CAMTA1: variants seen among roughly 807,000 people sequenced by gnomAD.
The protein encoded by CAMTA1 is calmodulin binding transcription activator 1.
A neutral mutation model predicts 170.9 loss-of-function variants in CAMTA1; 27 were observed. The observed-to-expected ratio is 0.16, with a 90% CI of 0.12 to 0.22. The LOEUF is 0.22. Ranked by LOEUF, CAMTA1 falls within the 10% of genes least tolerant of loss-of-function variation. CAMTA1 has a pLI of 1.00. For missense variants in CAMTA1, 1,619 were observed against 2,217.2 expected (o/e 0.73, Z 5.42); for synonymous variants, 833 against 891.5 (o/e 0.93, Z 1.17).
rs146417182 is a variant in CAMTA1, at chr1:7,640,454, G to T, written c.565G>T (p.Gly189Cys). The change falls in exon 7 of 23, where the codon GGC becomes TGC. Residue 189 changes from glycine (G) to cysteine (C), a missense_variant. Around this residue, in one of 8 missense-constraint regions of CAMTA1, gnomAD observed 97 missense variants for 225.4 expected, o/e 0.43. Transcript: ENST00000303635. The stretch of plus-strand genomic sequence containing the variant: ...GAACGTGCCGGCCATCGAGGACTGC[G>T]GCAAGCCTTGCGGCCCCATCCTCTG... ...YLNVPAIEDC[G>C]KPCGPILCSI... 2 of 1,614,034 alleles carry T rather than the reference G, an allele frequency of 1.2e-6. No individual in the cohort carries two copies. The highest frequency in any genetic ancestry group is 2.7e-5 in the African/African-American group (2 of 74,930).
At position 7,209,224 on chromosome 1, in the gene CAMTA1, G is replaced by A. The variant is rs766087227; in HGVS notation, c.303-40267G>A. Among the ~76,000 whole-genome samples the A allele has an allele frequency of 5.9e-5, 9 of 152,294 alleles. No individual in the cohort carries two copies. The South Asian group carries it at 8.3e-4, about 14-fold the overall frequency. On this transcript the variant is annotated intron_variant, in intron 4 of 22. Coordinates refer to ENST00000303635, the MANE Select transcript of CAMTA1 (RefSeq NM_015215.4). ...TTAGGATTAAGTTTTTCAACCTGCC[G>A]CTGGTGTGAGAAGGATGTCTCCATG...
intron 3 of CAMTA1, among the ~76,000 whole-genome samples, chr1:7,037,118 C>T (rs567716642): frequency 6.6e-6 from 1 of 152,176 alleles, no homozygotes; most frequent in Non-Finnish European, 1.5e-5. Context: ...TTTACTTGAA[C>T]TAATTGAGTA....
intron 3 of CAMTA1, among the ~76,000 whole-genome samples, chr1:6,882,988 C>G (rs892516282): frequency 2.6e-5 from 4 of 152,154 alleles, no homozygotes; most frequent in African/African-American, 9.7e-5. Context: ...TTTCCACTTC[C>G]CGGGTTCAAG....
chr1:6,920,295 A>C (rs1255672049), intron 3 of CAMTA1, among the ~76,000 whole-genome samples: 1 of 152,202 alleles, frequency 6.6e-6, no homozygotes, highest in Non-Finnish European at 1.5e-5. Context: ...AAGTTCCAAA[A>C]TGATCTCCTT....
chr1:7,088,934 C>A (rs1162426949), intron 3 of CAMTA1, among the ~76,000 whole-genome samples: 2 of 152,200 alleles, frequency 1.3e-5, no homozygotes, highest in East Asian at 3.8e-4. Context: ...ATTGACAAAC[C>A]AACAACTCTG....
At chr1:7,342,238 G>T (rs1029265876) in intron 5 of CAMTA1, among the ~76,000 whole-genome samples, 3 of 152,264 alleles carry the variant, frequency 2.0e-5, no homozygotes, top group African/African-American at 7.2e-5. Context: ...AGAGCTCCAG[G>T]CTCCACGACC....
intron 11 of CAMTA1, among the ~76,000 whole-genome samples, chr1:7,725,126 C>T (rs578006987): frequency 5.8e-4 from 89 of 152,288 alleles, no homozygotes; most frequent in African/African-American, 1.9e-3. Context: ...CTATGAAAGC[C>T]GTCAGAATGA....
At chr1:7,105,751 T>TG (rs1246115794) in intron 4 of CAMTA1, among the ~76,000 whole-genome samples, 1 of 152,120 alleles carries the variant, frequency 6.6e-6, no homozygotes, top group Non-Finnish European at 1.5e-5. Context: ...GAGACCAGCC[T>TG]GGGTAATATA....
intron 3 of CAMTA1, among the ~76,000 whole-genome samples, chr1:7,039,031 C>T (rs1400268616): frequency 3.3e-5 from 5 of 152,108 alleles, no homozygotes; most frequent in African/African-American, 1.2e-4. Flanking sequence ...CAGAGCAAGA[C>T]TCTGTCTCAA....
intron 6 of CAMTA1, among the ~76,000 whole-genome samples, chr1:7,498,678 C>A (rs976505723): frequency 1.4e-5 from 2 of 144,034 alleles, no homozygotes; most frequent in African/African-American, 5.3e-5. Flanking sequence ...ACATTGAGTG[C>A]ATGCATATGT....
At chr1:7,747,635 T>G in intron 18 of CAMTA1, 75 bp from the exon 19 acceptor site, 1 of 940,604 alleles carries the variant, frequency 1.1e-6, no homozygotes, top group South Asian at 1.6e-5. Flanking sequence ...GTGCATTAAA[T>G]GAGTAGTAAT....
chr1:7,457,046 G>A (rs868487101), intron 5 of CAMTA1, among the ~76,000 whole-genome samples: 6 of 20,930 alleles, frequency 2.9e-4, no homozygotes, highest in South Asian at 1.7e-3. Context: ...CACCCGCCCC[G>A]CCCCCTGCGC....
intron 6 of CAMTA1, among the ~76,000 whole-genome samples, chr1:7,631,714 G>A (rs372189375): frequency 1.8e-4 from 27 of 152,292 alleles, no homozygotes; most frequent in African/African-American, 5.8e-4. Flanking sequence ...AGGCGCCCGC[G>A]TGCCCTGGCC....
Position 7,680,872 on chromosome 1 carries a change from A to AGCAGCAGCAGCAGCTGCT in CAMTA1, c.2914+3150_2914+3151insAGCTGCTGCAGCAGCAGC, listed in dbSNP as rs70987363. 2.6e-3 allele frequency among the ~76,000 whole-genome samples: 383 copies of AGCAGCAGCAGCAGCTGCT among 146,206 alleles called. 2 individuals are homozygous for AGCAGCAGCAGCAGCTGCT. Among genetic ancestry groups the AGCAGCAGCAGCAGCTGCT allele is most frequent in the Non-Finnish European group, 3.9e-3 (259 of 65,672 alleles). ...CGCGCGCGCGCGCGCCAGCAGCAGC[A>AGCAGCAGCAGCAGCTGCT]GCAGCAGCAGCTGCTGCGGCGAAGT... On this transcript the variant is annotated intron_variant, in intron 11 of 22. Coordinates refer to ENST00000303635, the MANE Select transcript of CAMTA1 (RefSeq NM_015215.4). This position sits in a 1 kb window ranked among gnomAD's most constrained non-coding sequence, Gnocchi z 4.4.
chr1:6,867,495 C>T (rs1007844652), intron 3 of CAMTA1, among the ~76,000 whole-genome samples: 1 of 152,158 alleles, frequency 6.6e-6, no homozygotes, highest in African/African-American at 2.4e-5. Context: ...GAGATGGTGC[C>T]TGCTGGCAGG....
intron 1 of CAMTA1, among the ~76,000 whole-genome samples, chr1:6,812,776 CAATT>C (rs1645334541): frequency 6.6e-6 from 1 of 152,134 alleles, no homozygotes; most frequent in African/African-American, 2.4e-5. Context: ...AATAGAGAAT[CAATT>C]AATCTGATTT....
At chr1:7,730,589 A>G (rs1008865995) in intron 11 of CAMTA1, among the ~76,000 whole-genome samples, 1 of 152,124 alleles carries the variant, frequency 6.6e-6, no homozygotes, top group Non-Finnish European at 1.5e-5. Context: ...TATCTGGCAC[A>G]GTGTTCCTTA....
At chr1:7,145,524 G>C (rs755756055) in intron 4 of CAMTA1, among the ~76,000 whole-genome samples, 2 of 152,194 alleles carry the variant, frequency 1.3e-5, no homozygotes, top group African/African-American at 4.8e-5. Context: ...CACTGGGCTT[G>C]GAAGGAGGGT....
At chr1:6,793,261 T>C (rs931225671) in intron 1 of CAMTA1, among the ~76,000 whole-genome samples, 3 of 152,188 alleles carry the variant, frequency 2.0e-5, no homozygotes, top group African/African-American at 2.4e-5. Context: ...TGTGTGACTT[T>C]TGGGACATAG....
Sources: gnomAD v4.1 joint callset for allele counts (sites outside exome capture counted in the v4.1 genomes callset) on GRCh38, gnomAD v4.1.1 for gene constraint, gnomAD v4.1.1 regional missense constraint, Gnocchi (gnomAD v3.1) non-coding constraint, MANE v1.5 for transcripts, NCBI Gene and HGNC (gene_info 2026-07-23, HGNC 2026-07-21) for gene names.